GLIS3: variants seen among roughly 807,000 people sequenced by gnomAD.
GLIS3 encodes GLIS family zinc finger 3.
A neutral mutation model predicts 78.6 loss-of-function variants in GLIS3; 53 were observed. That is an observed-to-expected ratio of 0.67 (90% confidence interval 0.54 to 0.85). The LOEUF (loss-of-function observed/expected upper bound fraction) is 0.85. Ranked by LOEUF, GLIS3 falls within the 40% of genes least tolerant of loss-of-function variation. The probability of loss-of-function intolerance (pLI) is 0.00; values close to 1 mark genes in which losing one functional copy is unlikely to be tolerated. For synonymous variants in GLIS3, 684 were observed against 509.9 expected (o/e 1.34, Z -4.60); for missense variants, 1,703 against 1,231.1 (o/e 1.38, Z -5.74).
chr9:4,259,704 G>C (rs1409927099), intron 2 of GLIS3, among the ~76,000 whole-genome samples: 1 of 152,168 alleles, frequency 6.6e-6, no homozygotes, highest in East Asian at 1.9e-4. Flanking sequence ...GGCAGGACCT[G>C]TTCAAACTTG....
chr9:4,313,026 G>A (rs1411838499), intron 2 of GLIS3, among the ~76,000 whole-genome samples: 1 of 152,182 alleles, frequency 6.6e-6, no homozygotes, highest in Non-Finnish European at 1.5e-5. Flanking sequence ...CAGTCTTGTG[G>A]CTTCAGAGTC....
rs115479951 is a variant in GLIS3, at chr9:3,957,246, G to A, written c.1711-20057C>T. Among the ~76,000 whole-genome samples, 1,074 of 152,292 alleles carry A rather than the reference G, an allele frequency of 7.1e-3. 15 individuals are homozygous for A. Among genetic ancestry groups the A allele is most frequent in the African/African-American group, 0.024 (995 of 41,556 alleles). Reference sequence around the variant, plus strand: ...CCCGAGAGTGTTTTACGCTGCCTACGCATTAAACCTGTTCTTGTTGATGCA... The same window carrying A: ...CCCGAGAGTGTTTTACGCTGCCTACACATTAAACCTGTTCTTGTTGATGCA... On this transcript the variant is annotated intron_variant, in intron 4 of 10. Transcript: ENST00000381971.
chr9:4,300,890 G>T (rs1229723122), upstream of GLIS3, among the ~76,000 whole-genome samples: 1 of 151,974 alleles, frequency 6.6e-6, no homozygotes, highest in African/African-American at 2.4e-5. Flanking sequence ...TTCTGCAGTT[G>T]ACAGTATTAT....
chr9:4,393,283 G>T, the GLIS3 span, among the ~76,000 whole-genome samples: 4 of 151,940 alleles, frequency 2.6e-5, no homozygotes, highest in African/African-American at 9.7e-5. Flanking sequence ...ACTAGTTATG[G>T]CTTTTATCCC....
chr9:3,898,363 C>G (rs1369032840), intron 7 of GLIS3: 1 of 364,686 alleles, frequency 2.7e-6, no homozygotes, highest in Non-Finnish European at 5.3e-6. Flanking sequence ...AGCCTGCTAC[C>G]TGCTTAAGGA....
chr9:4,228,830 T>G (rs923552616), intron 2 of GLIS3, among the ~76,000 whole-genome samples: 1 of 152,170 alleles, frequency 6.6e-6, no homozygotes, highest in East Asian at 1.9e-4. Context: ...AGCCACACAG[T>G]GGAACTCTGC....
At chr9:3,857,783 G>C (rs1052383951) in intron 8 of GLIS3, among the ~76,000 whole-genome samples, 5 of 152,210 alleles carry the variant, frequency 3.3e-5, no homozygotes, top group Non-Finnish European at 5.9e-5. Flanking sequence ...AATAGCTTGA[G>C]AGAAAACACA....
the GLIS3 span, among the ~76,000 whole-genome samples, chr9:4,434,082 G>T: frequency 7.4e-6 from 1 of 134,668 alleles, no homozygotes. Flanking sequence ...GTGACAGAGT[G>T]AGACTCTGTC....
intron 4 of GLIS3, among the ~76,000 whole-genome samples, chr9:4,030,691 C>T (rs980852885): frequency 2.6e-5 from 4 of 152,210 alleles, no homozygotes; most frequent in Non-Finnish European, 5.9e-5. Flanking sequence ...TGTCTGTTTC[C>T]CAGCGTGTTC....
At chr9:4,462,013 C>G in the GLIS3 span, among the ~76,000 whole-genome samples, 1 of 152,080 alleles carries the variant, frequency 6.6e-6, no homozygotes, top group South Asian at 2.1e-4. Flanking sequence ...TTTTCTGGTA[C>G]AGTTCAAAGG....
At chr9:4,209,472 T>C (rs1820191468) in intron 2 of GLIS3, among the ~76,000 whole-genome samples, 1 of 152,214 alleles carries the variant, frequency 6.6e-6, no homozygotes, top group Admixed American at 6.5e-5. Flanking sequence ...AGAGCCCATT[T>C]GCAGAAAGCT....
chr9:4,358,010 A>G, the GLIS3 span, among the ~76,000 whole-genome samples: 47 of 152,362 alleles, frequency 3.1e-4, no homozygotes, highest in African/African-American at 9.1e-4. Flanking sequence ...TTTTTAAAAA[A>G]TAAGATAGGT....
chr9:4,358,813 G>A, the GLIS3 span, among the ~76,000 whole-genome samples: 4 of 152,320 alleles, frequency 2.6e-5, no homozygotes, highest in African/African-American at 4.8e-5. Context: ...CAGATGAGGT[G>A]TGTAAAAGGT....
At chr9:4,205,668 T>C (rs921692650) in intron 2 of GLIS3, among the ~76,000 whole-genome samples, 14 of 152,200 alleles carry the variant, frequency 9.2e-5, no homozygotes, top group African/African-American at 3.1e-4. Flanking sequence ...TTTCAGGCAC[T>C]GGATCAAACC....
chr9:4,303,545 G>A (rs1456295291), upstream of GLIS3, among the ~76,000 whole-genome samples: 1 of 152,168 alleles, frequency 6.6e-6, no homozygotes, highest in Admixed American at 6.5e-5. Flanking sequence ...TGTCAGTGAT[G>A]TAATTTTTTA....
At chr9:4,408,726 CAAA>C in the GLIS3 span, among the ~76,000 whole-genome samples, 33 of 56,720 alleles carry the variant, frequency 5.8e-4, no homozygotes, top group African/African-American at 1.9e-3. Context: ...GACTCTGTCT[CAAA>C]AAAAAAAAAA....
chr9:4,168,142 G>A (rs1301000924), intron 2 of GLIS3, among the ~76,000 whole-genome samples: 2 of 151,990 alleles, frequency 1.3e-5, no homozygotes, highest in Non-Finnish European at 2.9e-5. Context: ...CAGACCAGTT[G>A]TTGCCTTTCT....
chr9:3,855,294 C>G (rs1414287078), intron 9 of GLIS3: 1 of 152,894 alleles, frequency 6.5e-6, no homozygotes, highest in Non-Finnish European at 1.5e-5. Flanking sequence ...TACCATTTCT[C>G]TTGCTTTCCT....
chr9:3,990,069 G>C (rs1419983910), intron 4 of GLIS3, among the ~76,000 whole-genome samples: 1 of 152,180 alleles, frequency 6.6e-6, no homozygotes, highest in Non-Finnish European at 1.5e-5. Context: ...ACAAACACTT[G>C]AAAGCTGTCA....
Sources: gnomAD v4.1 joint callset for allele counts (sites outside exome capture counted in the v4.1 genomes callset) on GRCh38, gnomAD v4.1.1 for gene constraint, MANE v1.5 for transcripts, NCBI Gene and HGNC (gene_info 2026-07-23, HGNC 2026-07-21) for gene names.